The following SYMPK variants were observed in gnomAD, a reference collection of about 807,000 sequenced individuals.
The protein encoded by SYMPK is symplekin scaffold protein, also known as symplekin.
A neutral mutation model predicts 136.4 loss-of-function variants in SYMPK; 49 were observed. The ratio of observed to expected loss-of-function variants is 0.36; its 90% CI spans 0.29 to 0.46. The LOEUF (loss-of-function observed/expected upper bound fraction) is 0.46, where lower values mean the gene tolerates loss of function less well. SYMPK is among the 20% of genes least tolerant of loss of function. SYMPK has a pLI of 1.00. For synonymous variants in SYMPK, 766 were observed against 713.0 expected (o/e 1.07, Z -1.19); for missense variants, 1,365 against 1,690.0 (o/e 0.81, Z 3.37).
Position 45,823,424 on chromosome 19 carries a change from T to C in SYMPK, c.2648A>G (p.Lys883Arg). The C allele has an allele frequency of 6.2e-7, 1 of 1,613,774 alleles. No homozygotes were observed. The highest frequency in any genetic ancestry group is 8.5e-7 in the Non-Finnish European group (1 of 1,179,900). The change falls in exon 20 of 27, where the codon AAG (lysine) becomes AGG (arginine). Residue 883 changes from lysine (K) to arginine (R), a missense_variant. Transcript: ENST00000245934. ...GAGGAAGCGGACGTCTGGCAGTCGCTTGTGGTAGAGATCCCGGACCCGCTT... is the reference window on the plus strand; with the variant it reads ...GAGGAAGCGGACGTCTGGCAGTCGCCTGTGGTAGAGATCCCGGACCCGCTT... The part of the protein sequence containing the change: ...LVKRVRDLYH[K>R]RLPDVRFLIP...
intron 18 of SYMPK, 116 bp downstream of exon 18, chr19:45,825,055 G>A: frequency 2.2e-6 from 3 of 1,376,242 alleles, no homozygotes; most frequent in Non-Finnish European, 3.0e-6. Flanking sequence ...TCGGCCCGGG[G>A]TGACCACCCT....
intron 4 of SYMPK, 44 bp downstream of exon 4, chr19:45,852,438 C>G: frequency 6.2e-7 from 1 of 1,614,190 alleles, no homozygotes; most frequent in Non-Finnish European, 8.5e-7. Context: ...TCCACATCCC[C>G]TTTCCCCTAC....
chr19:45,832,855 C>CAAAAAAAAA (rs10561490), intron 11 of SYMPK, among the ~76,000 whole-genome samples: 5 of 118,626 alleles, frequency 4.2e-5, no homozygotes, highest in East Asian at 2.5e-4. Flanking sequence ...ACTAAAAATA[C>CAAAAAAAAA]AAAAAAAAAA....
chr19:45,817,543 T>C (rs1158576269), intron 23 of SYMPK, among the ~76,000 whole-genome samples: 3 of 150,710 alleles, frequency 2.0e-5, no homozygotes, highest in African/African-American at 7.3e-5. Context: ...GCAGTCCTCC[T>C]GTCTCGGCCT....
At chr19:45,820,920 G>A (rs1193522891) in intron 22 of SYMPK, 12 of 570,764 alleles carry the variant, frequency 2.1e-5, no homozygotes, top group Admixed American at 3.4e-5. Context: ...GGGGGCCATC[G>A]TGAGGCGGCC....
At chr19:45,859,226 C>G (rs921736339) in intron 1 of SYMPK, among the ~76,000 whole-genome samples, 1 of 151,658 alleles carries the variant, frequency 6.6e-6, no homozygotes, top group Non-Finnish European at 1.5e-5. Flanking sequence ...TGCCCTTTCA[C>G]TCTTGAATCC....
intron 9 of SYMPK, among the ~76,000 whole-genome samples, chr19:45,841,771 A>G (rs1971443991): frequency 6.6e-6 from 1 of 152,194 alleles, no homozygotes; most frequent in African/African-American, 2.4e-5. Context: ...AAACAAAGGA[A>G]TGAAAGAAGA....
At chr19:45,816,356 G>A (rs1195500410) in intron 25 of SYMPK, 126 bp downstream of exon 25, 3 of 1,326,952 alleles carry the variant, frequency 2.3e-6, no homozygotes, top group East Asian at 5.0e-5. Flanking sequence ...CCTGGGAGAC[G>A]GGTGGCCCAG....
rs940047248 is a variant in SYMPK, at chr19:45,825,245, G to A, written c.2416C>T (p.His806Tyr). 2 of 1,614,186 alleles carry A rather than the reference G, an allele frequency of 1.2e-6. No individual in the cohort carries two copies. The highest frequency in any genetic ancestry group is 1.7e-6 in the Non-Finnish European group (2 of 1,180,030). Residue 806 changes from histidine (H) to tyrosine (Y), a missense_variant, in exon 18 of 27, where the codon CAC becomes TAC. Transcript: ENST00000245934. ...TCAGTGTACACGGCCGCCAGTTCGT[G>A]GATCAGCTTGTGGTTCTGAGGCAGG... ...ALLPQNHKLI[H>Y]ELAAVYTEAI...
At chr19:45,831,612 C>A (rs1299126029) in intron 11 of SYMPK, 24 bp from the exon 12 acceptor site, 1 of 1,550,400 alleles carries the variant, frequency 6.4e-7, no homozygotes, top group African/African-American at 1.4e-5. Flanking sequence ...AGCAAACAGA[C>A]ACCCAGTGCG....
At chr19:45,848,037 C>G in intron 6 of SYMPK, 36 bp from the exon 7 acceptor site, 4 of 1,548,080 alleles carry the variant, frequency 2.6e-6, no homozygotes, top group Non-Finnish European at 3.5e-6. Context: ...AAGAGACACA[C>G]AAAGAGGTGA....
At chr19:45,847,643 T>G (rs1971596831) in intron 7 of SYMPK, 109 bp downstream of exon 7, 11 of 1,364,474 alleles carry the variant, frequency 8.1e-6, no homozygotes, top group Non-Finnish European at 1.1e-5. Flanking sequence ...CTGCACACAC[T>G]GTTCCAGAAA....
At chr19:45,856,393 C>T (rs1394812747) in intron 1 of SYMPK, among the ~76,000 whole-genome samples, 1 of 152,100 alleles carries the variant, frequency 6.6e-6, no homozygotes, top group Non-Finnish European at 1.5e-5. Flanking sequence ...CCCTGACAGC[C>T]TGTTGCATCA....
At chr19:45,826,407 GA>G in intron 16 of SYMPK, 34 bp from the exon 17 acceptor site, 1 of 1,609,214 alleles carries the variant, frequency 6.2e-7, no homozygotes, top group Non-Finnish European at 8.5e-7. Context: ...CAGGGTCAGG[GA>G]AGAGGTAAGA....
chr19:45,855,011 G>A (rs573416528), intron 1 of SYMPK: 1 of 158,294 alleles, frequency 6.3e-6, no homozygotes, highest in Non-Finnish European at 1.4e-5. Flanking sequence ...CCAAGTAACT[G>A]GGATTACGGG....
chr19:45,817,041 G>A, intron 23 of SYMPK, 67 bp from the exon 24 acceptor site: 8 of 1,482,658 alleles, frequency 5.4e-6, no homozygotes, highest in Non-Finnish European at 7.3e-6. Context: ...TTGACACTGG[G>A]AGAAAGACCT....
chr19:45,830,332 G>C, intron 12 of SYMPK, 128 bp from the exon 13 acceptor site: 1 of 1,067,964 alleles, frequency 9.4e-7, no homozygotes, highest in Non-Finnish European at 1.3e-6. Context: ...TGCCTCTCCA[G>C]TTCCTCTGTG....
intron 1 of SYMPK, among the ~76,000 whole-genome samples, chr19:45,862,776 G>A (rs1423968437): frequency 6.6e-6 from 1 of 152,232 alleles, no homozygotes; most frequent in Non-Finnish European, 1.5e-5. Context: ...GCAAGTTTAA[G>A]GAACCGAAAG....
At chr19:45,824,884 G>A (rs1225335999) in intron 18 of SYMPK, among the ~76,000 whole-genome samples, 1 of 152,206 alleles carries the variant, frequency 6.6e-6, no homozygotes, top group Non-Finnish European at 1.5e-5. Flanking sequence ...TGGAGGGACT[G>A]GAACGTCTTC....
Sources: gnomAD v4.1 joint callset for allele counts (sites outside exome capture counted in the v4.1 genomes callset) on GRCh38, gnomAD v4.1.1 for gene constraint, MANE v1.5 for transcripts, NCBI Gene and HGNC (gene_info 2026-07-23, HGNC 2026-07-21) for gene names.